The following RBFOX1 variants were observed in gnomAD, a reference collection of about 807,000 sequenced individuals.
The protein encoded by RBFOX1 is RNA binding protein fox-1 homolog 1.
In RBFOX1, 8 loss-of-function variants were observed where a neutral mutation model predicts 57.7. The ratio of observed to expected loss-of-function variants is 0.14; its 90% confidence interval spans 0.08 to 0.25. The LOEUF (loss-of-function observed/expected upper bound fraction) is 0.25. RBFOX1 is among the 10% of genes least tolerant of loss of function. The pLI is 1.00. For synonymous variants in RBFOX1, 326 were observed against 222.4 expected (o/e 1.47, Z -4.15); for missense variants, 611 against 548.5 (o/e 1.11, Z -1.14).
chr16:7,062,761 C>G (rs17142081), intron 4 of RBFOX1, among the ~76,000 whole-genome samples: 6,265 of 152,146 alleles, frequency 0.041, 414 homozygotes, highest in African/African-American at 0.14. Flanking sequence ...TAGTGATATT[C>G]TGGTGAAATT....
At chr16:7,314,164 T>C (rs2096385254) in intron 4 of RBFOX1, among the ~76,000 whole-genome samples, 1 of 152,156 alleles carries the variant, frequency 6.6e-6, no homozygotes, top group Non-Finnish European at 1.5e-5. Context: ...GCACTGAGAA[T>C]GATGGAGTGT....
At chr16:7,034,645 A>C (rs971597753) in intron 3 of RBFOX1, among the ~76,000 whole-genome samples, 1 of 151,684 alleles carries the variant, frequency 6.6e-6, no homozygotes, top group African/African-American at 2.4e-5. Flanking sequence ...CACATCAGTG[A>C]GGCTAGCAGA....
At chr16:5,723,185 A>G (rs561990404) in intron 3 of RBFOX1, among the ~76,000 whole-genome samples, 11 of 152,308 alleles carry the variant, frequency 7.2e-5, no homozygotes, top group African/African-American at 2.6e-4. Context: ...GTAACATGGG[A>G]GAATCACAAC....
At chr16:7,051,091 C>G (rs2049915910) in intron 3 of RBFOX1, among the ~76,000 whole-genome samples, 1 of 152,026 alleles carries the variant, frequency 6.6e-6, no homozygotes. Context: ...AGTATATTGT[C>G]TGGTCCTGGA....
At chr16:6,765,845 A>T (rs956403982) in intron 3 of RBFOX1, among the ~76,000 whole-genome samples, 1 of 152,228 alleles carries the variant, frequency 6.6e-6, no homozygotes, top group Non-Finnish European at 1.5e-5. Context: ...ACTTGGATGA[A>T]ACTGGAGGTT....
intron 2 of RBFOX1, among the ~76,000 whole-genome samples, chr16:5,593,888 T>C (rs2047094678): frequency 6.6e-6 from 1 of 152,164 alleles, no homozygotes; most frequent in Admixed American, 6.5e-5. Context: ...CGGGACCCCT[T>C]TCCTGTAACA....
At chr16:7,142,754 A>C (rs976616683) in intron 4 of RBFOX1, among the ~76,000 whole-genome samples, 1 of 152,182 alleles carries the variant, frequency 6.6e-6, no homozygotes, top group African/African-American at 2.4e-5. Context: ...ACTGTTTTGT[A>C]TATGACATTC....
At chr16:5,693,624 G>A (rs2050761370) in intron 3 of RBFOX1, among the ~76,000 whole-genome samples, 1 of 152,154 alleles carries the variant, frequency 6.6e-6, no homozygotes, top group Non-Finnish European at 1.5e-5. Context: ...GGATTTCAGT[G>A]TGGGTGTTTG....
chr16:7,021,587 A>C (rs2039120841), intron 3 of RBFOX1, among the ~76,000 whole-genome samples: 1 of 145,654 alleles, frequency 6.9e-6, no homozygotes, highest in Non-Finnish European at 1.5e-5. Context: ...AATATATAAA[A>C]GTAAAATATT....
intron 3 of RBFOX1, among the ~76,000 whole-genome samples, chr16:5,745,601 C>G (rs557568867): frequency 1.3e-4 from 20 of 152,298 alleles, no homozygotes; most frequent in Non-Finnish European, 2.6e-4. Flanking sequence ...CTGTCCAGCA[C>G]CTGTTGTTTC....
chr16:7,099,037 T>C (rs1321829412), intron 4 of RBFOX1, among the ~76,000 whole-genome samples: 2 of 152,168 alleles, frequency 1.3e-5, no homozygotes, highest in African/African-American at 4.8e-5. Context: ...TCTTGTTAAA[T>C]AGTTCACAAA....
At chr16:7,071,554 T>A (rs115296563) in intron 4 of RBFOX1, among the ~76,000 whole-genome samples, 1,530 of 151,500 alleles carry the variant, frequency 0.01, 30 homozygotes, top group African/African-American at 0.035. Context: ...GTTGTTGGGG[T>A]CACAACTGAC....
intron 4 of RBFOX1, among the ~76,000 whole-genome samples, chr16:7,339,256 A>T (rs2096848579): frequency 6.6e-6 from 1 of 152,172 alleles, no homozygotes; most frequent in Non-Finnish European, 1.5e-5. Context: ...TTTATTCAGC[A>T]ATTATCTATT....
At chr16:7,220,321 C>G (rs1223355780) in intron 4 of RBFOX1, among the ~76,000 whole-genome samples, 1 of 152,122 alleles carries the variant, frequency 6.6e-6, no homozygotes, top group Non-Finnish European at 1.5e-5. Context: ...GAGTGAGATT[C>G]CATTTCTAAA....
rs1404506847 is a variant in RBFOX1, at chr16:5,668,374, C to A, written c.318+69413C>A. On this transcript the variant is annotated intron_variant, in intron 3 of 19. Transcript: ENST00000641259. Reference sequence around the variant, plus strand: ...CTGAATAAGCCTTGAAGCAAAAAATCATCTCTTTTTCCCGACCTTAACACA... The same window carrying A: ...CTGAATAAGCCTTGAAGCAAAAAATAATCTCTTTTTCCCGACCTTAACACA... 3.3e-5 allele frequency among the ~76,000 whole-genome samples: 5 copies of A among 152,298 alleles called. No individual in the cohort carries two copies. The East Asian group carries it at 5.8e-4, about 18-fold the overall frequency.
chr16:6,226,203 CAAA>C (rs543386716), intron 1 of RBFOX1, among the ~76,000 whole-genome samples: 22 of 99,950 alleles, frequency 2.2e-4, no homozygotes, highest in African/African-American at 3.8e-4. Context: ...ACTAAAAATA[CAAA>C]AAAAAAAAAA....
intron 4 of RBFOX1, among the ~76,000 whole-genome samples, chr16:7,516,391 T>A (rs2152126896): frequency 6.6e-6 from 1 of 152,174 alleles, no homozygotes; most frequent in African/African-American, 2.4e-5. Context: ...TCGTAGCGAC[T>A]GGGAGCTGGG....
At chr16:5,993,316 G>C (rs1243268379) in intron 4 of RBFOX1, among the ~76,000 whole-genome samples, 1 of 151,706 alleles carries the variant, frequency 6.6e-6, no homozygotes, top group East Asian at 1.9e-4. Flanking sequence ...GTGCCTGTTT[G>C]CCTGCCTATT....
chr16:6,599,638 G>A (rs1157333791), intron 2 of RBFOX1, among the ~76,000 whole-genome samples: 1 of 152,066 alleles, frequency 6.6e-6, no homozygotes, highest in Non-Finnish European at 1.5e-5. Context: ...CTTTACTAGT[G>A]ACACTAATAC....
Sources: allele counts gnomAD v4.1 joint callset (sites outside exome capture counted in the v4.1 genomes callset), GRCh38; gene constraint gnomAD v4.1.1; transcripts MANE v1.5; gene names NCBI Gene and HGNC (gene_info 2026-07-23, HGNC 2026-07-21).